Variants in MEGF11 observed in about 807,000 individuals in gnomAD.
MEGF11 encodes multiple EGF like domains 11, also known as multiple epidermal growth factor-like domains protein 11.
In MEGF11, 126 loss-of-function variants were observed where a neutral mutation model predicts 146.6. The observed-to-expected ratio is 0.86, with a 90% confidence interval of 0.74 to 1.00. The LOEUF (loss-of-function observed/expected upper bound fraction) is 1.00. Among genes scored for constraint, MEGF11 ranks in the 50% least tolerant of loss-of-function variants. The probability of loss-of-function intolerance (pLI) is 0.00; values close to 1 mark genes in which losing one functional copy is unlikely to be tolerated. For missense variants in MEGF11, 1,509 were observed against 1,521.2 expected (o/e 0.99, Z 0.13); for synonymous variants, 532 against 583.4 (o/e 0.91, Z 1.27).
chr15:66,038,761 T>C (rs2083828099), intron 5 of MEGF11, among the ~76,000 whole-genome samples: 1 of 152,176 alleles, frequency 6.6e-6, no homozygotes, highest in Non-Finnish European at 1.5e-5. Context: ...CACCTTATAA[T>C]GCAGTTTCCT....
At chr15:65,997,033 A>G (rs564058240) in intron 5 of MEGF11, among the ~76,000 whole-genome samples, 4 of 152,272 alleles carry the variant, frequency 2.6e-5, no homozygotes, top group East Asian at 3.9e-4. Flanking sequence ...GGACTTCCTC[A>G]ACTCTGTCTT....
At chr15:66,037,683 C>T (rs2083778456) in intron 5 of MEGF11, among the ~76,000 whole-genome samples, 1 of 152,212 alleles carries the variant, frequency 6.6e-6, no homozygotes, top group Admixed American at 6.5e-5. Flanking sequence ...GAACAGGTCT[C>T]TCCCACCATC....
chr15:65,974,849 C>CT (rs1361460444), intron 7 of MEGF11, among the ~76,000 whole-genome samples: 2 of 49,040 alleles, frequency 4.1e-5, no homozygotes, highest in Non-Finnish European at 8.1e-5. Context: ...CTTGGAAAAA[C>CT]TTTCTTTTTT....
intron 4 of MEGF11, among the ~76,000 whole-genome samples, chr15:66,108,432 T>C (rs1276529342): frequency 6.6e-6 from 1 of 152,076 alleles, no homozygotes; most frequent in East Asian, 1.9e-4. Flanking sequence ...GAGACAGAAA[T>C]TTTAAAAATG....
intron 4 of MEGF11, among the ~76,000 whole-genome samples, chr15:66,104,244 A>G (rs1318685637): frequency 1.3e-5 from 2 of 152,170 alleles, no homozygotes; most frequent in African/African-American, 4.8e-5. Flanking sequence ...CAGCTTTCAC[A>G]GTCTGGTCAC....
At chr15:66,118,913 C>T (rs911675057) in intron 4 of MEGF11, among the ~76,000 whole-genome samples, 173 bp downstream of exon 4, 2 of 152,212 alleles carry the variant, frequency 1.3e-5, no homozygotes, top group Non-Finnish European at 2.9e-5. Flanking sequence ...TGTATTTGCA[C>T]CAAACTCATT....
At chr15:66,060,411 C>A (rs1048640415) in intron 5 of MEGF11, among the ~76,000 whole-genome samples, 1 of 152,232 alleles carries the variant, frequency 6.6e-6, no homozygotes, top group Non-Finnish European at 1.5e-5. Flanking sequence ...AGCTCAGTAC[C>A]CAGCTACTGC....
chr15:66,253,076 G>T (rs146833151), intron 1 of MEGF11, among the ~76,000 whole-genome samples: 1,790 of 152,348 alleles, frequency 0.012, 18 homozygotes, highest in Non-Finnish European at 0.016. Context: ...GCACTTGCTG[G>T]GGCTTAGCGG....
chr15:66,091,767 G>A (rs2086332749), intron 5 of MEGF11, among the ~76,000 whole-genome samples: 1 of 152,240 alleles, frequency 6.6e-6, no homozygotes, highest in African/African-American at 2.4e-5. Context: ...GCTCGCAGTT[G>A]TGTGGCCAGA....
chr15:66,183,571 G>A (rs2090613100), intron 1 of MEGF11, among the ~76,000 whole-genome samples: 1 of 150,706 alleles, frequency 6.6e-6, no homozygotes, highest in Admixed American at 6.6e-5. Flanking sequence ...CGGATGCCAC[G>A]AAGCAAAAGA....
At chr15:65,995,622 G>T (rs75298440) in intron 5 of MEGF11, among the ~76,000 whole-genome samples, 1 of 152,214 alleles carries the variant, frequency 6.6e-6, no homozygotes, top group Non-Finnish European at 1.5e-5. Context: ...CATCAAGACA[G>T]GTTTGCAGGT....
At chr15:65,910,006 C>A (rs1428779539) in intron 21 of MEGF11, 200 bp from the exon 22 acceptor site, 2 of 688,750 alleles carry the variant, frequency 2.9e-6, no homozygotes, top group Admixed American at 4.0e-5. Flanking sequence ...ATAGAACATA[C>A]CCCACCCCAG....
intron 5 of MEGF11, among the ~76,000 whole-genome samples, chr15:66,004,741 TAC>T (rs1272941916): frequency 6.6e-6 from 1 of 152,106 alleles, no homozygotes; most frequent in East Asian, 1.9e-4. Context: ...GAGTGAATTC[TAC>T]AGTGGGTGAA....
At chr15:66,198,362 G>A (rs536254877) in intron 1 of MEGF11, among the ~76,000 whole-genome samples, 3 of 152,284 alleles carry the variant, frequency 2.0e-5, no homozygotes, top group African/African-American at 4.8e-5. Flanking sequence ...CTCTGATCGC[G>A]CACAAACCTC....
Position 65,917,962 on chromosome 15 carries a change from T to C in MEGF11, c.2086+4A>G. ...AGGGGCATTCCCAGGTGGCAGCAGC[T>C]TACCCTGTGAGCAGTCCTTGCCAAT... On this transcript the variant is annotated splice_donor_region_variant and intron_variant, in intron 16 of 25. Transcript: ENST00000395614. 1 of 1,613,970 alleles carries C rather than the reference T, an allele frequency of 6.2e-7. No homozygotes were observed. Among genetic ancestry groups the C allele is most frequent in the Non-Finnish European group, 8.5e-7 (1 of 1,179,886 alleles).
At chr15:66,074,613 G>A (rs775449666) in intron 5 of MEGF11, among the ~76,000 whole-genome samples, 3 of 152,198 alleles carry the variant, frequency 2.0e-5, no homozygotes, top group East Asian at 1.9e-4. Context: ...GTGTGAAAAT[G>A]TATGTGCTGG....
intron 4 of MEGF11, among the ~76,000 whole-genome samples, chr15:66,114,710 G>A (rs1768085645): frequency 6.6e-6 from 1 of 152,084 alleles, no homozygotes; most frequent in Admixed American, 6.5e-5. Flanking sequence ...TTTCATACCT[G>A]GTGACCAAAG....
intron 5 of MEGF11, among the ~76,000 whole-genome samples, chr15:66,051,192 C>G (rs1023751289): frequency 5.9e-5 from 9 of 152,096 alleles, no homozygotes; most frequent in African/African-American, 2.2e-4. Context: ...TAGTATTATT[C>G]CCTTTTTGCA....
chr15:65,900,101 G>T (rs954165688), intron 24 of MEGF11, among the ~76,000 whole-genome samples: 3 of 152,144 alleles, frequency 2.0e-5, no homozygotes, highest in African/African-American at 7.2e-5. Context: ...TAGCAGCTCT[G>T]ACCTTCTTCT....
Sources: allele counts gnomAD v4.1 joint callset (sites outside exome capture counted in the v4.1 genomes callset), GRCh38; gene constraint gnomAD v4.1.1; transcripts MANE v1.5; gene names NCBI Gene and HGNC (gene_info 2026-07-23, HGNC 2026-07-21).